Variants in IDH1 observed in about 807,000 individuals in gnomAD.
IDH1 encodes isocitrate dehydrogenase [NADP] cytoplasmic.
Under a neutral mutation model 46.1 loss-of-function variants are expected in IDH1, and 33 were observed. The ratio of observed to expected loss-of-function variants is 0.72; its 90% confidence interval spans 0.54 to 0.96. The LOEUF is 0.96. Among genes scored for constraint, IDH1 ranks in the 40% least tolerant of loss-of-function variants. The pLI is 0.00. For synonymous variants in IDH1, 144 were observed against 172.8 expected (o/e 0.83, Z 1.31); for missense variants, 421 against 515.7 (o/e 0.82, Z 1.78).
chr2:208,242,168 G>C (rs2124852049), intron 6 of IDH1, 23 bp from the exon 7 acceptor site: 1 of 1,609,950 alleles, frequency 6.2e-7, no homozygotes, highest in East Asian at 2.2e-5. Flanking sequence ...AGGTAAAAGA[G>C]AATAATAATA....
chr2:208,247,307 T>C (rs1272944378), intron 4 of IDH1: 1 of 152,258 alleles, frequency 6.6e-6, no homozygotes, highest in African/African-American at 2.4e-5. Flanking sequence ...TGAACTTTGA[T>C]TTTGTTTACT....
intron 5 of IDH1, 40 bp from the exon 6 acceptor site, chr2:208,243,644 A>C: frequency 6.6e-7 from 1 of 1,510,798 alleles, no homozygotes; most frequent in South Asian, 1.1e-5. Flanking sequence ...AAGGGAGAAG[A>C]ATAAATGTAA....
Position 208,237,058 on chromosome 2 carries a change from C to T in IDH1, c.*21G>A. ...ACCTAGTTACCAAAAGACAATTATCCTTCTTAGCTCAGGTATGAACTTAAA... is the reference window on the plus strand; with the variant it reads ...ACCTAGTTACCAAAAGACAATTATCTTTCTTAGCTCAGGTATGAACTTAAA... On this transcript the variant is annotated 3_prime_UTR_variant, in exon 10 of 10. Coordinates refer to ENST00000345146, the MANE Select transcript of IDH1 (RefSeq NM_005896.4). 3.6e-6 allele frequency: 5 copies of T among 1,376,846 alleles called. No individual in the cohort carries two copies. Among genetic ancestry groups the T allele is most frequent in the Non-Finnish European group, 4.1e-6 (4 of 968,542 alleles). 85.3% of individuals were successfully genotyped at this position (1,376,846 alleles called of 1,614,324 possible). A position where few individuals can be genotyped will look rare whatever the true frequency, so the allele number is the denominator to read the frequency against.
chr2:208,250,258 C>T (rs377681488), intron 3 of IDH1, among the ~76,000 whole-genome samples: 3 of 151,590 alleles, frequency 2.0e-5, no homozygotes, highest in African/African-American at 7.3e-5. Context: ...TGCCAGTTCA[C>T]CTACTGTCAT....
In IDH1 at chr2:208,237,061, C is replaced by T; in HGVS notation, c.*18G>A. Reference sequence around the variant, plus strand: ...TAGTTACCAAAAGACAATTATCCTTCTTAGCTCAGGTATGAACTTAAAGTT... The same window carrying T: ...TAGTTACCAAAAGACAATTATCCTTTTTAGCTCAGGTATGAACTTAAAGTT... On this transcript the variant is annotated 3_prime_UTR_variant, in exon 10 of 10. Transcript: ENST00000345146. 2.8e-6 allele frequency: 4 copies of T among 1,419,132 alleles called. No homozygotes were observed. Among genetic ancestry groups the T allele is most frequent in the South Asian group, 2.3e-5 (2 of 85,882 alleles). The allele number at this position is 1,419,132 out of a possible 1,614,324, so 87.9% of individuals were successfully genotyped here. A position where few individuals can be genotyped will look rare whatever the true frequency, so the allele number is the denominator to read the frequency against.
intron 8 of IDH1, 95 bp downstream of exon 8, chr2:208,239,768 A>C: frequency 8.5e-7 from 1 of 1,172,882 alleles, no homozygotes; most frequent in Non-Finnish European, 1.3e-6. Context: ...CTTGGTGATG[A>C]CTTTGCACAC....
chr2:208,246,774 C>G (rs1010860874), intron 4 of IDH1, among the ~76,000 whole-genome samples: 1 of 151,454 alleles, frequency 6.6e-6, no homozygotes, highest in African/African-American at 2.4e-5. Context: ...GAAACCCCGT[C>G]TCTACTAAAA....
At chr2:208,244,475 TCTC>T (rs1278490332) in intron 5 of IDH1, among the ~76,000 whole-genome samples, 1 of 152,184 alleles carries the variant, frequency 6.6e-6, no homozygotes, top group East Asian at 1.9e-4. Context: ...ATTCTTATAA[TCTC>T]CTGGAGGATA....
intron 3 of IDH1, among the ~76,000 whole-genome samples, chr2:208,249,773 C>T: frequency 6.6e-6 from 1 of 152,172 alleles, no homozygotes; most frequent in South Asian, 2.1e-4. Flanking sequence ...TAACTTCCAA[C>T]TGCTTCGACT....
Position 208,237,021 on chromosome 2 carries a change from G to A in IDH1, c.*58C>T, listed in dbSNP as rs898541295. ...ATCCTTGAGTGTAACACAGAAAAAT[G>A]TAAACCTGTAGACCTAGTTACCAAA... On this transcript the variant is annotated 3_prime_UTR_variant, in exon 10 of 10. Coordinates refer to ENST00000345146, the MANE Select transcript of IDH1 (RefSeq NM_005896.4). 2 of 931,172 alleles carry A rather than the reference G, an allele frequency of 2.1e-6. No individual in the cohort carries two copies. The highest frequency in any genetic ancestry group is 3.3e-5 in the African/African-American group (2 of 61,274). The allele number at this position is 931,172 out of a possible 1,614,324, so 57.7% of individuals were successfully genotyped here.
At chr2:208,251,663 AC>A in intron 2 of IDH1, 96 bp from the exon 3 acceptor site, 1 of 936,472 alleles carries the variant, frequency 1.1e-6, no homozygotes. Context: ...CGTAGTGACT[AC>A]TAAAAGAACA....
intron 1 of IDH1, chr2:208,254,323 C>G (rs1480083032): frequency 1.3e-5 from 2 of 153,374 alleles, no homozygotes; most frequent in Non-Finnish European, 2.9e-5. Flanking sequence ...CCCCTCCCCT[C>G]CCCTCGCTGG....
intron 4 of IDH1, chr2:208,248,164 G>T: frequency 1.7e-6 from 1 of 591,194 alleles, no homozygotes; most frequent in Non-Finnish European, 3.0e-6. Context: ...GTGTTGAGAT[G>T]GACGCCTATT....
At chr2:208,251,617 T>A (rs564842461) in intron 2 of IDH1, 50 bp from the exon 3 acceptor site, 34 of 1,482,940 alleles carry the variant, frequency 2.3e-5, no homozygotes, top group Non-Finnish European at 3.1e-5. Context: ...CATTATAAAG[T>A]GAAATATATA....
rs1245911068 is a variant in IDH1, at chr2:208,248,546, A to G, written c.237T>C (p.Asp79=). ...VGVKCATITP[D]EKRVEEFKLK... ...ACTTGAACTCCTCAACCCTCTTCTC[A>G]TCAGGAGTGATAGTGGCACATTTGA... Residue 79 remains aspartate (D), a synonymous_variant, in exon 4 of 10, where the codon GAT becomes GAC. Transcript: ENST00000345146. 1 of 1,613,798 alleles carries G rather than the reference A, an allele frequency of 6.2e-7. No homozygotes were observed. The highest frequency in any genetic ancestry group is 1.3e-5 in the African/African-American group (1 of 74,920).
At chr2:208,249,471 T>C (rs1016721203) in intron 3 of IDH1, among the ~76,000 whole-genome samples, 1 of 152,232 alleles carries the variant, frequency 6.6e-6, no homozygotes, top group African/African-American at 2.4e-5. Flanking sequence ...TAGCTTAATA[T>C]ACACCAACAC....
At chr2:208,240,477 G>C (rs75275293) in intron 7 of IDH1, among the ~76,000 whole-genome samples, 1,935 of 152,086 alleles carry the variant, frequency 0.013, 37 homozygotes, top group African/African-American at 0.045. Context: ...ATTCTTATGT[G>C]CAATGCTCTG....
chr2:208,236,890 A>T lies in IDH1; in HGVS notation c.*189T>A, dbSNP rs987355895. 7.0e-6 allele frequency: 4 copies of T among 568,768 alleles called. No individual in the cohort carries two copies. The Admixed American group carries it at 1.3e-4, about 19-fold the overall frequency. 35.2% of individuals were successfully genotyped at this position (568,768 alleles called of 1,614,324 possible). On this transcript the variant is annotated 3_prime_UTR_variant, in exon 10 of 10. Coordinates refer to ENST00000345146, the MANE Select transcript of IDH1 (RefSeq NM_005896.4). ...AAAAATTGTAAAAAAGTCCCTTGCCATGTTCACAAAGGTGGCAATAACTGT... is the reference window on the plus strand; with the variant it reads ...AAAAATTGTAAAAAAGTCCCTTGCCTTGTTCACAAAGGTGGCAATAACTGT...
In IDH1 at chr2:208,248,395, T is replaced by C. The variant is rs762479277; in HGVS notation, c.388A>G (p.Ile130Val). Residue 130 changes from isoleucine to valine, a missense_variant, in exon 4 of 10, where the codon ATA becomes GTA. Coordinates refer to ENST00000345146, the MANE Select transcript of IDH1 (RefSeq NM_005896.4). The part of the protein sequence containing the change: ...LVSGWVKPII[I>V]GRHAYGDQYR... ...TGATCCCCATAAGCATGACGACCTATGATGATAGGTTTTACCCATCCACTC... is the reference window on the plus strand; with the variant it reads ...TGATCCCCATAAGCATGACGACCTACGATGATAGGTTTTACCCATCCACTC... The C allele has an allele frequency of 1.9e-6, 3 of 1,614,006 alleles. No homozygotes were observed. Among genetic ancestry groups the C allele is most frequent in the East Asian group, 4.5e-5 (2 of 44,896 alleles).
Sources: allele counts gnomAD v4.1 joint callset (sites outside exome capture counted in the v4.1 genomes callset), GRCh38; gene constraint gnomAD v4.1.1; transcripts MANE v1.5; gene names NCBI Gene and HGNC (gene_info 2026-07-23, HGNC 2026-07-21).